The following TXNRD1 variants were observed in gnomAD, a reference collection of about 807,000 sequenced individuals.
TXNRD1 encodes thioredoxin reductase 1, cytoplasmic.
A neutral mutation model predicts 80.3 loss-of-function variants in TXNRD1; 57 were observed. That is an observed-to-expected ratio of 0.71 (90% CI 0.57 to 0.89). The LOEUF is 0.89. Among genes scored for constraint, TXNRD1 ranks in the 40% least tolerant of loss-of-function variants. The probability of loss-of-function intolerance (pLI) is 0.00; values close to 1 mark genes in which losing one functional copy is unlikely to be tolerated. For synonymous variants in TXNRD1, 291 were observed against 285.2 expected, an observed-to-expected ratio of 1.02 and a Z score of -0.20; for missense variants, 730 against 803.0, an observed-to-expected ratio of 0.91 and a Z score of 1.10.
intron 1 of TXNRD1, among the ~76,000 whole-genome samples, chr12:104,236,820 A>G (rs1346938155): frequency 6.7e-6 from 1 of 149,736 alleles, no homozygotes; most frequent in Non-Finnish European, 1.5e-5. Context: ...TGGATATTCA[A>G]GTTACAGGGT....
intron 16 of TXNRD1, among the ~76,000 whole-genome samples, chr12:104,344,286 T>C (rs571208747): frequency 2.6e-5 from 4 of 151,990 alleles, no homozygotes; most frequent in Admixed American, 1.3e-4. Flanking sequence ...GTGGCTGGAC[T>C]GAAAGGTCAT....
intron 4 of TXNRD1, chr12:104,289,400 G>A (rs996109158): frequency 5.8e-6 from 1 of 173,252 alleles, no homozygotes; most frequent in Non-Finnish European, 1.3e-5. Flanking sequence ...CCTGAGAAAA[G>A]GGGATCAGGA....
At chr12:104,336,243 A>T (rs531780243) in intron 15 of TXNRD1, among the ~76,000 whole-genome samples, 1 of 152,298 alleles carries the variant, frequency 6.6e-6, no homozygotes, top group Admixed American at 6.5e-5. Flanking sequence ...TTTCAATGTT[A>T]CATTTGTTCA....
At chr12:104,333,946 T>A (rs2036047723) in intron 14 of TXNRD1, among the ~76,000 whole-genome samples, 1 of 152,196 alleles carries the variant, frequency 6.6e-6, no homozygotes, top group Non-Finnish European at 1.5e-5. Context: ...TGACAGCAGG[T>A]AATTAAATGG....
rs925778987 is a variant in TXNRD1, at chr12:104,252,242, G to A, written c.243+564G>A. 5.3e-5 allele frequency among the ~76,000 whole-genome samples: 8 copies of A among 152,056 alleles called. No homozygotes were observed. The East Asian group carries it at 5.8e-4, about 11-fold the overall frequency. On this transcript the variant is annotated intron_variant, in intron 2 of 16. Coordinates refer to ENST00000525566, the MANE Select transcript of TXNRD1 (RefSeq NM_001093771.3). ...GTTAGGGTGGGGGAGTTACCAAACC[G>A]GTTGATTTGCGGCCCTTTCAGATAT... is the stretch of plus-strand genomic sequence containing the variant.
chr12:104,327,135 T>C (rs920068272), intron 12 of TXNRD1, among the ~76,000 whole-genome samples: 1 of 152,210 alleles, frequency 6.6e-6, no homozygotes, highest in Admixed American at 6.5e-5. Flanking sequence ...ATTTTTACCA[T>C]AGTTGAGCTC....
chr12:104,220,226 T>C (rs899805636), intron 1 of TXNRD1, among the ~76,000 whole-genome samples: 29 of 152,196 alleles, frequency 1.9e-4, no homozygotes, highest in South Asian at 1.0e-3. Context: ...CCAAAGATCG[T>C]GACTGACATG....
At chr12:104,263,044 C>T (rs748038133) in intron 3 of TXNRD1, among the ~76,000 whole-genome samples, 1 of 152,160 alleles carries the variant, frequency 6.6e-6, no homozygotes, top group Non-Finnish European at 1.5e-5. Flanking sequence ...AAACAACCAT[C>T]AGGGTCCACT....
At chr12:104,306,149 C>T (rs1446868111) in intron 4 of TXNRD1, among the ~76,000 whole-genome samples, 2 of 152,160 alleles carry the variant, frequency 1.3e-5, no homozygotes, top group Non-Finnish European at 1.5e-5. Flanking sequence ...AGTGATCCAC[C>T]CGCCTCGGCC....
intron 1 of TXNRD1, among the ~76,000 whole-genome samples, chr12:104,233,614 C>CA (rs751991990): frequency 3.0e-4 from 46 of 152,276 alleles, no homozygotes; most frequent in Non-Finnish European, 6.0e-4. Context: ...CTCTGCCTCC[C>CA]AGGATCAAGT....
chr12:104,293,716 A>G (rs1270942517), intron 4 of TXNRD1, among the ~76,000 whole-genome samples: 2 of 152,166 alleles, frequency 1.3e-5, no homozygotes, highest in African/African-American at 4.8e-5. Context: ...CGGCGACGAG[A>G]GAGTGTAGAA....
chr12:104,350,239 AAAAC>A lies in TXNRD1; in HGVS notation c.*1822_*1825del, dbSNP rs1199717927. 3.3e-5 allele frequency: 5 copies of A among 152,312 alleles called. No homozygotes were observed. The East Asian group carries it at 7.7e-4, about 23-fold the overall frequency. 9.4% of individuals were successfully genotyped at this position (152,312 alleles called of 1,614,324 possible). ...ATTTTTGTTACAAATCTTCTGAAAA[AAAAC>A]AAAACAATGTGAAACATTAAAATTA... On this transcript the variant is annotated 3_prime_UTR_variant, in exon 17 of 17. Transcript: ENST00000525566.
intron 3 of TXNRD1, among the ~76,000 whole-genome samples, chr12:104,276,857 G>T (rs2033767681): frequency 6.6e-6 from 1 of 152,220 alleles, no homozygotes; most frequent in South Asian, 2.1e-4. Flanking sequence ...AGATGACTGA[G>T]AACATGTAAA....
intron 3 of TXNRD1, among the ~76,000 whole-genome samples, chr12:104,267,175 A>T (rs2033511542): frequency 1.1e-5 from 1 of 93,152 alleles, no homozygotes; most frequent in Admixed American, 1.1e-4. Flanking sequence ...CAAAAAAAAA[A>T]AAAAATAATA....
chr12:104,261,593 A>G (rs12308362), intron 3 of TXNRD1, among the ~76,000 whole-genome samples: 2,717 of 152,130 alleles, frequency 0.018, 69 homozygotes, highest in African/African-American at 0.061. Context: ...TCCTTTTCCA[A>G]CTACTTTTCT....
intron 1 of TXNRD1, among the ~76,000 whole-genome samples, chr12:104,249,039 C>T (rs1260717498): frequency 2.0e-5 from 3 of 152,214 alleles, no homozygotes; most frequent in Non-Finnish European, 2.9e-5. Flanking sequence ...GAAGAACCCA[C>T]TTCTCATTTT....
intron 11 of TXNRD1, 69 bp from the exon 12 acceptor site, chr12:104,326,276 GAA>G (rs2035759038): frequency 9.3e-7 from 1 of 1,072,954 alleles, no homozygotes; most frequent in Admixed American, 2.8e-5. Context: ...AATAAGCAGA[GAA>G]AAATATGATT....
chr12:104,224,224 C>A (rs1461335864), intron 1 of TXNRD1, among the ~76,000 whole-genome samples: 1 of 152,174 alleles, frequency 6.6e-6, no homozygotes, highest in African/African-American at 2.4e-5. Context: ...ACTCTCCTCA[C>A]ACATCAAGAC....
At chr12:104,331,485 TA>T in intron 13 of TXNRD1, 48 bp from the exon 14 acceptor site, 1 of 1,235,432 alleles carries the variant, frequency 8.1e-7, no homozygotes, top group Non-Finnish European at 1.1e-6. Context: ...CCTTTTTTTT[TA>T]AGTTATAACT....
Sources: gnomAD v4.1 joint callset for allele counts (sites outside exome capture counted in the v4.1 genomes callset) on GRCh38, gnomAD v4.1.1 for gene constraint, MANE v1.5 for transcripts, NCBI Gene and HGNC (gene_info 2026-07-23, HGNC 2026-07-21) for gene names.